Variants in ANKH observed in about 807,000 individuals in gnomAD.
ANKH encodes ANKH inorganic pyrophosphate transport regulator.
A neutral mutation model predicts 49.0 loss-of-function variants in ANKH; 15 were observed. That is an observed-to-expected ratio of 0.31 (90% CI 0.20 to 0.47). The LOEUF (loss-of-function observed/expected upper bound fraction) is 0.47, where lower values mean the gene tolerates loss of function less well. ANKH is among the 20% of genes least tolerant of loss of function. The pLI, the probability that ANKH is intolerant of heterozygous loss-of-function variation, is 1.00. For synonymous variants in ANKH, 273 were observed against 260.0 expected (o/e 1.05, Z -0.48); for missense variants, 429 against 652.0 (o/e 0.66, Z 3.72).
chr5:14,709,640 T>G lies in ANKH; in HGVS notation c.*1557A>C, dbSNP rs1394362783. 1.3e-5 allele frequency: 2 copies of G among 152,442 alleles called. No homozygotes were observed. The highest frequency in any genetic ancestry group is 2.9e-5 in the Non-Finnish European group (2 of 68,046). 9.4% of individuals were successfully genotyped at this position (152,442 alleles called of 1,614,324 possible). A position where few individuals can be genotyped will look rare whatever the true frequency, so the allele number is the denominator to read the frequency against. ...TTCCAGCTTGCACTTCTATTCCTACTCCAGTGACCCATTTATTCCCCAGTT... is the reference window on the plus strand; with the variant it reads ...TTCCAGCTTGCACTTCTATTCCTACGCCAGTGACCCATTTATTCCCCAGTT... On this transcript the variant is annotated 3_prime_UTR_variant, in exon 12 of 12. Coordinates refer to ENST00000284268, the MANE Select transcript of ANKH (RefSeq NM_054027.6).
chr5:14,833,244 A>G (rs1741553792), intron 1 of ANKH, among the ~76,000 whole-genome samples: 2 of 152,206 alleles, frequency 1.3e-5, no homozygotes, highest in South Asian at 2.1e-4. Flanking sequence ...TGGAAGTTCT[A>G]TCAGAGGAAT....
At chr5:14,797,430 T>A in intron 1 of ANKH, 1 of 1,611,156 alleles carries the variant, frequency 6.2e-7, no homozygotes, top group African/African-American at 1.3e-5. Flanking sequence ...AGGTGACCAC[T>A]GAACCTGGAA....
chr5:14,721,184 C>T (rs924306568), intron 8 of ANKH, among the ~76,000 whole-genome samples: 1 of 152,202 alleles, frequency 6.6e-6, no homozygotes, highest in African/African-American at 2.4e-5. Flanking sequence ...GATGGATTTC[C>T]AGTAGGAGCT....
At chr5:14,815,000 C>G (rs1740989544) in intron 1 of ANKH, among the ~76,000 whole-genome samples, 1 of 152,200 alleles carries the variant, frequency 6.6e-6, no homozygotes, top group South Asian at 2.1e-4. Context: ...CCCTTCCAGT[C>G]TGAGGAATCC....
Position 14,713,482 on chromosome 5 carries a change from C to G in ANKH, c.1265+62G>C, listed in dbSNP as rs555387015. ...TTCCCCTGAAAATGTAGCTGTTAAA[C>G]CTCTGGACACAGTATTGAAGTGGCA... is the stretch of plus-strand genomic sequence containing the variant. On this transcript the variant is annotated intron_variant, in intron 10 of 11. Coordinates refer to ENST00000284268, the MANE Select transcript of ANKH (RefSeq NM_054027.6). This position sits in a 1 kb window ranked among gnomAD's most constrained non-coding sequence, Gnocchi z 4.4. 47 of 1,604,868 alleles carry G rather than the reference C, an allele frequency of 2.9e-5. No individual in the cohort carries two copies. Among genetic ancestry groups the G allele is most frequent in the Non-Finnish European group, 3.9e-5 (46 of 1,174,480 alleles).
chr5:14,774,106 C>T (rs1739535933), intron 1 of ANKH, among the ~76,000 whole-genome samples: 1 of 152,068 alleles, frequency 6.6e-6, no homozygotes, highest in South Asian at 2.1e-4. Flanking sequence ...CTTTGTTATC[C>T]CCATCTGGAG....
At chr5:14,819,428 C>T (rs566684790) in intron 1 of ANKH, among the ~76,000 whole-genome samples, 127 of 152,188 alleles carry the variant, frequency 8.3e-4, no homozygotes, top group Non-Finnish European at 1.7e-3. Context: ...TAGGGGCTAA[C>T]ATTTCTACAA....
At chr5:14,803,288 T>C (rs1740616892) in intron 1 of ANKH, among the ~76,000 whole-genome samples, 1 of 152,206 alleles carries the variant, frequency 6.6e-6, no homozygotes. Context: ...AATTTGTTTA[T>C]TTATTTTTTG....
At chr5:14,839,073 CT>C (rs1741743434) in intron 1 of ANKH, among the ~76,000 whole-genome samples, 1 of 152,140 alleles carries the variant, frequency 6.6e-6, no homozygotes, top group African/African-American at 2.4e-5. Context: ...AGACCCTTAC[CT>C]CACTTTTAGC....
chr5:14,747,164 C>T (rs1738566610), intron 6 of ANKH, among the ~76,000 whole-genome samples: 1 of 152,218 alleles, frequency 6.6e-6, no homozygotes, highest in Admixed American at 6.5e-5. Flanking sequence ...CAACCCAACT[C>T]ACTCCCAGTC....
At chr5:14,746,370 G>A (rs1437255924) in intron 6 of ANKH, among the ~76,000 whole-genome samples, 5 of 149,886 alleles carry the variant, frequency 3.3e-5, no homozygotes, top group African/African-American at 9.9e-5. Flanking sequence ...CAGTCTCCCC[G>A]AGCATTGGGG....
chr5:14,706,264 A>G lies in ANKH; in HGVS notation c.*4933T>C, dbSNP rs191128403. 4.6e-5 allele frequency: 7 copies of G among 152,354 alleles called. No homozygotes were observed. In the East Asian group the frequency reaches 1.3e-3, roughly 29 times the overall value. 9.4% of individuals were successfully genotyped at this position (152,354 alleles called of 1,614,324 possible). On this transcript the variant is annotated 3_prime_UTR_variant, in exon 12 of 12. Coordinates refer to ENST00000284268, the MANE Select transcript of ANKH (RefSeq NM_054027.6). ...ATGTGTAGCTGACAGCCACCTATAA[A>G]AGTGCATATATCTTATGCAGTCTTT...
chr5:14,733,078 ACAAT>A (rs1738055122), intron 8 of ANKH, among the ~76,000 whole-genome samples: 2 of 152,160 alleles, frequency 1.3e-5, no homozygotes, highest in South Asian at 4.1e-4. Flanking sequence ...TTTTTTGGTA[ACAAT>A]CAGTTCATTC....
At chr5:14,730,729 C>T (rs1212159771) in intron 8 of ANKH, among the ~76,000 whole-genome samples, 5 of 152,204 alleles carry the variant, frequency 3.3e-5, no homozygotes, top group Admixed American at 6.5e-5. Flanking sequence ...AAGCGAGCGC[C>T]AGGAGTGCAG....
At chr5:14,818,556 C>T (rs1007216024) in intron 1 of ANKH, among the ~76,000 whole-genome samples, 6 of 144,138 alleles carry the variant, frequency 4.2e-5, no homozygotes, top group South Asian at 2.2e-4. Flanking sequence ...GCAGGAGAAT[C>T]GCTTGAACCC....
At chr5:14,748,207 A>T (rs560529333) in intron 6 of ANKH, among the ~76,000 whole-genome samples, 1 of 152,354 alleles carries the variant, frequency 6.6e-6, no homozygotes, top group East Asian at 1.9e-4. Flanking sequence ...TACAGTAGCC[A>T]CCCAAGATGA....
chr5:14,788,553 C>T (rs887396995), intron 1 of ANKH, among the ~76,000 whole-genome samples: 1 of 152,150 alleles, frequency 6.6e-6, no homozygotes, highest in Non-Finnish European at 1.5e-5. Flanking sequence ...TTCTTTATAT[C>T]CCCCAAAGCC....
At chr5:14,765,470 G>A (rs985758199) in intron 2 of ANKH, among the ~76,000 whole-genome samples, 8 of 152,188 alleles carry the variant, frequency 5.3e-5, no homozygotes, top group African/African-American at 1.2e-4. Flanking sequence ...CATCTTTCCC[G>A]CACAATCTCC....
intron 1 of ANKH, among the ~76,000 whole-genome samples, chr5:14,852,078 T>C (rs541949026): frequency 6.6e-6 from 1 of 152,320 alleles, no homozygotes; most frequent in East Asian, 1.9e-4. Flanking sequence ...GCCCAGGAGT[T>C]TGAAACTAGC....
Sources: allele counts gnomAD v4.1 joint callset (sites outside exome capture counted in the v4.1 genomes callset), GRCh38; gene constraint gnomAD v4.1.1; non-coding constraint Gnocchi (gnomAD v3.1); transcripts MANE v1.5; gene names NCBI Gene and HGNC (gene_info 2026-07-23, HGNC 2026-07-21).